Variants in ANKS1B observed in about 807,000 individuals in gnomAD.
ANKS1B encodes the protein ankyrin repeat and sterile alpha motif domain-containing protein 1B.
ANKS1B carries 36 observed loss-of-function variants against 148.3 expected under a neutral mutation model. The ratio of observed to expected loss-of-function variants is 0.24; its 90% CI spans 0.19 to 0.32. The LOEUF (loss-of-function observed/expected upper bound fraction) is 0.32. Among genes scored for constraint, ANKS1B ranks in the 10% least tolerant of loss-of-function variants. The pLI is 1.00. For synonymous variants in ANKS1B, 542 were observed against 560.8 expected (o/e 0.97, Z 0.47); for missense variants, 1,157 against 1,542.6 (o/e 0.75, Z 4.19).
chr12:99,078,518 C>T (rs952003295), intron 16 of ANKS1B, among the ~76,000 whole-genome samples: 1 of 152,106 alleles, frequency 6.6e-6, no homozygotes. Flanking sequence ...ACTCTACAGA[C>T]CAGAGACATG....
At position 99,775,588 on chromosome 12, in the gene ANKS1B, G is replaced by A. The variant is rs2063576564; in HGVS notation, c.921C>T (p.His307=). The change falls in exon 7 of 27, where the codon CAC becomes CAT. Residue 307 remains histidine, a synonymous_variant. Coordinates refer to ENST00000683438, the MANE Select transcript of ANKS1B (RefSeq NM_001352186.2). ...AAGGAGACTCAACAGGAGATGAAAT[G>A]TGTGTTTCTTGTGTTGCATCTTCCT... is the stretch of plus-strand genomic sequence containing the variant. The part of the protein sequence containing the change: ...PVQEDATQET[H]ISSPVESPSQ... The A allele has an allele frequency of 6.2e-7, 1 of 1,613,440 alleles. No individual in the cohort carries two copies. Among genetic ancestry groups the A allele is most frequent in the East Asian group, 2.2e-5 (1 of 44,846 alleles).
intron 3 of ANKS1B, among the ~76,000 whole-genome samples, chr12:99,807,025 A>C (rs992233377): frequency 6.6e-6 from 1 of 152,206 alleles, no homozygotes; most frequent in African/African-American, 2.4e-5. Flanking sequence ...TGCATGGTGC[A>C]TCACATCTTT....
At chr12:99,574,448 A>G (rs764541005) in intron 9 of ANKS1B, among the ~76,000 whole-genome samples, 7 of 152,164 alleles carry the variant, frequency 4.6e-5, no homozygotes, top group Non-Finnish European at 1.0e-4. Context: ...CTAAAAAGCC[A>G]TTGTTATACA....
chr12:99,198,271 G>A (rs2081626760), intron 14 of ANKS1B, among the ~76,000 whole-genome samples: 1 of 152,160 alleles, frequency 6.6e-6, no homozygotes, highest in Non-Finnish European at 1.5e-5. Flanking sequence ...TATATCACAG[G>A]TAAAGCATGT....
chr12:99,572,379 T>C (rs1390848178), intron 9 of ANKS1B, among the ~76,000 whole-genome samples: 1 of 152,114 alleles, frequency 6.6e-6, no homozygotes, highest in Non-Finnish European at 1.5e-5. Flanking sequence ...CATTTTCCTA[T>C]AGCTTTGTGA....
intron 15 of ANKS1B, among the ~76,000 whole-genome samples, chr12:99,110,349 C>T (rs1032167891): frequency 6.6e-6 from 1 of 152,050 alleles, no homozygotes; most frequent in Non-Finnish European, 1.5e-5. Context: ...ATCAGATAAG[C>T]CTACTGCAGT....
intron 17 of ANKS1B, among the ~76,000 whole-genome samples, chr12:98,989,641 T>C (rs1452214339): frequency 1.3e-5 from 2 of 152,156 alleles, no homozygotes; most frequent in Non-Finnish European, 2.9e-5. Flanking sequence ...TTGTTTTTTC[T>C]GTTTCTGTGA....
At chr12:99,004,405 CG>C (rs1568310347) in intron 17 of ANKS1B, among the ~76,000 whole-genome samples, 1 of 152,000 alleles carries the variant, frequency 6.6e-6, no homozygotes, top group African/African-American at 2.4e-5. Context: ...AGATAATATA[CG>C]TAAAGAGCAC....
At chr12:99,975,819 T>C (rs550668363) in intron 1 of ANKS1B, among the ~76,000 whole-genome samples, 1 of 152,316 alleles carries the variant, frequency 6.6e-6, no homozygotes, top group African/African-American at 2.4e-5. Flanking sequence ...CTAAAATTGC[T>C]ACCATTCGAC....
chr12:98,840,787 T>C (rs1038300957), intron 17 of ANKS1B, among the ~76,000 whole-genome samples: 1 of 152,202 alleles, frequency 6.6e-6, no homozygotes, highest in African/African-American at 2.4e-5. Flanking sequence ...AATAAATCAG[T>C]TCCCAACTAA....
chr12:99,005,979 G>T (rs576056624), intron 17 of ANKS1B, among the ~76,000 whole-genome samples: 2 of 152,322 alleles, frequency 1.3e-5, no homozygotes, highest in South Asian at 4.1e-4. Context: ...GACTGAAGAA[G>T]TAGAGAGAAA....
intron 12 of ANKS1B, among the ~76,000 whole-genome samples, chr12:99,393,444 T>G (rs80279333): frequency 8.5e-4 from 130 of 152,298 alleles, no homozygotes; most frequent in African/African-American, 3.0e-3. Flanking sequence ...GGACAAAGTA[T>G]AGAAGAAGTG....
chr12:99,943,702 T>C (rs1344286623), intron 1 of ANKS1B, among the ~76,000 whole-genome samples: 2 of 152,058 alleles, frequency 1.3e-5, no homozygotes, highest in East Asian at 3.9e-4. Flanking sequence ...ACCAGGTCCC[T>C]GCCACAACAT....
intron 9 of ANKS1B, among the ~76,000 whole-genome samples, chr12:99,519,622 A>G (rs1427680498): frequency 6.6e-6 from 1 of 151,822 alleles, no homozygotes; most frequent in Admixed American, 6.6e-5. Flanking sequence ...ATCTTTATAG[A>G]TGATGTGTGT....
chr12:99,065,749 A>G (rs1030421418), intron 16 of ANKS1B, among the ~76,000 whole-genome samples: 5 of 152,156 alleles, frequency 3.3e-5, no homozygotes, highest in Non-Finnish European at 7.3e-5. Flanking sequence ...GCTATATTCT[A>G]AGCACTGTTC....
chr12:99,567,834 GT>G (rs1379576261), intron 9 of ANKS1B, among the ~76,000 whole-genome samples: 1 of 152,142 alleles, frequency 6.6e-6, no homozygotes, highest in Non-Finnish European at 1.5e-5. Context: ...CCAAGAAGTG[GT>G]AATCAGATAA....
intron 9 of ANKS1B, among the ~76,000 whole-genome samples, chr12:98,736,515 G>T (rs1170076297): frequency 2.0e-5 from 3 of 152,226 alleles, no homozygotes; most frequent in Non-Finnish European, 4.4e-5. Flanking sequence ...TCCAGGTGGG[G>T]ATGCTGAGTA....
chr12:99,557,510 G>A (rs2097290159), intron 9 of ANKS1B, among the ~76,000 whole-genome samples: 1 of 152,092 alleles, frequency 6.6e-6, no homozygotes, highest in Admixed American at 6.5e-5. Flanking sequence ...ACCTCTATCA[G>A]ATGATTGTGA....
chr12:99,195,871 CA>C (rs2081324557), intron 14 of ANKS1B, among the ~76,000 whole-genome samples: 1 of 151,830 alleles, frequency 6.6e-6, no homozygotes. Flanking sequence ...TTGAGAGGTG[CA>C]AAATTTAAGG....
Sources: gnomAD v4.1 joint callset for allele counts (sites outside exome capture counted in the v4.1 genomes callset) on GRCh38, gnomAD v4.1.1 for gene constraint, MANE v1.5 for transcripts, NCBI Gene and HGNC (gene_info 2026-07-23, HGNC 2026-07-21) for gene names.